Variants in ATP11B observed in about 807,000 individuals in gnomAD.
ATP11B encodes the protein ATPase phospholipid transporting 11B (putative), also known as phospholipid-transporting ATPase IF.
Under a neutral mutation model 157.8 loss-of-function variants are expected in ATP11B, and 81 were observed. That is an observed-to-expected ratio of 0.51 (90% confidence interval 0.43 to 0.62). ATP11B has a LOEUF of 0.62. ATP11B is among the 20% of genes least tolerant of loss of function. The probability of loss-of-function intolerance (pLI) is 0.00; values close to 1 mark genes in which losing one functional copy is unlikely to be tolerated. For missense variants in ATP11B, 1,165 were observed against 1,402.2 expected (o/e 0.83, Z 2.70); for synonymous variants, 451 against 469.4 (o/e 0.96, Z 0.51).
intron 1 of ATP11B, among the ~76,000 whole-genome samples, chr3:182,814,299 A>G (rs1171538307): frequency 2.6e-5 from 4 of 152,058 alleles, no homozygotes; most frequent in African/African-American, 9.7e-5. Context: ...TCCTGACCTC[A>G]GGTGATTTGT....
At chr3:182,832,403 TTC>T (rs1242195151) in intron 4 of ATP11B, among the ~76,000 whole-genome samples, 3 of 152,194 alleles carry the variant, frequency 2.0e-5, no homozygotes, top group Non-Finnish European at 2.9e-5. Context: ...ACTCAGAGTT[TTC>T]TCTTTTGCAA....
intron 10 of ATP11B, among the ~76,000 whole-genome samples, chr3:182,850,362 A>G (rs929870602): frequency 2.2e-4 from 33 of 152,212 alleles, no homozygotes; most frequent in African/African-American, 7.7e-4. Flanking sequence ...AGTCCCAGCT[A>G]CTCAGGAGGC....
chr3:182,858,199 T>TA (rs1275862522), intron 11 of ATP11B, among the ~76,000 whole-genome samples, 171 bp downstream of exon 11: 1 of 152,244 alleles, frequency 6.6e-6, no homozygotes, highest in African/African-American at 2.4e-5. Flanking sequence ...TTTGTACTGA[T>TA]ACGCTTTTTG....
chr3:182,861,273 C>A (rs1343385397), intron 12 of ATP11B, among the ~76,000 whole-genome samples: 1 of 152,062 alleles, frequency 6.6e-6, no homozygotes, highest in African/African-American at 2.4e-5. Flanking sequence ...CCATATTGGT[C>A]AGGCTGGTCT....
chr3:182,796,709 A>T (rs943749740), intron 1 of ATP11B, among the ~76,000 whole-genome samples: 3 of 152,230 alleles, frequency 2.0e-5, no homozygotes, highest in African/African-American at 7.2e-5. Context: ...AGGGTCACAC[A>T]TACTCTACAT....
chr3:182,872,095 G>C (rs764449605), intron 17 of ATP11B, among the ~76,000 whole-genome samples: 1 of 152,194 alleles, frequency 6.6e-6, no homozygotes, highest in Non-Finnish European at 1.5e-5. Context: ...GATTACAGGC[G>C]TGAGCCACCG....
At position 182,866,370 on chromosome 3, in the gene ATP11B, AACCTGGC is replaced by A; in HGVS notation, c.1550_1556del (p.Leu517HisfsTer16). On this transcript the variant is annotated frameshift_variant, in exon 14 of 30. Coordinates refer to ENST00000323116, the MANE Select transcript of ATP11B (RefSeq NM_014616.3). LOFTEE classifies it high-confidence loss of function. ...CACTGGTGATGGTCCCTGGCAATCCAACCTGGCACCATCGCAGTTGGAGTACTATGCA... is the reference window on the plus strand; with the variant it reads ...CACTGGTGATGGTCCCTGGCAATCCAACCATCGCAGTTGGAGTACTATGCA... 1 of 1,613,974 alleles carries A rather than the reference AACCTGGC, an allele frequency of 6.2e-7. No individual in the cohort carries two copies. The highest frequency in any genetic ancestry group is 8.5e-7 in the Non-Finnish European group (1 of 1,179,898).
chr3:182,802,153 T>C (rs1716054674), intron 1 of ATP11B, among the ~76,000 whole-genome samples: 1 of 152,202 alleles, frequency 6.6e-6, no homozygotes, highest in Admixed American at 6.5e-5. Flanking sequence ...CTTTTTGTTG[T>C]TGCTAAAAAT....
At chr3:182,838,459 A>G (rs1718732223) in intron 7 of ATP11B, among the ~76,000 whole-genome samples, 1 of 152,092 alleles carries the variant, frequency 6.6e-6, no homozygotes, top group African/African-American at 2.4e-5. Context: ...AAAGTTTGAA[A>G]AAACTTTTTT....
chr3:182,802,316 G>A (rs1284267511), intron 1 of ATP11B, among the ~76,000 whole-genome samples: 1 of 152,072 alleles, frequency 6.6e-6, no homozygotes, highest in Non-Finnish European at 1.5e-5. Context: ...ATACCCACCA[G>A]AGTGATCTTA....
intron 1 of ATP11B, among the ~76,000 whole-genome samples, chr3:182,800,143 A>G (rs1166351794): frequency 6.6e-6 from 1 of 152,080 alleles, no homozygotes; most frequent in East Asian, 1.9e-4. Context: ...GAAAGAAACA[A>G]AAACATTCTT....
In ATP11B at chr3:182,836,399, C is replaced by A; in HGVS notation, c.481C>A (p.Leu161Met). The change falls in exon 6 of 30, where the codon CTG becomes ATG. Residue 161 changes from leucine (L) to methionine (M), a missense_variant. Leu to Met is a conservative substitution (Grantham distance 15). This residue lies in a region of ATP11B where 737 missense variants were observed against 930.5 expected (regional missense o/e 0.79). Transcript: ENST00000323116. ...AATTTTTCCTGCAGACTTGGTGCTT[C>A]TGTCCTCAGATCGACTGGATGGTTC... ...DEIFPADLVLLSSDRLDGSCH... is the reference protein window; with the variant it reads ...DEIFPADLVLMSSDRLDGSCH... The A allele has an allele frequency of 6.2e-7, 1 of 1,613,944 alleles. No individual in the cohort carries two copies. The highest frequency in any genetic ancestry group is 8.5e-7 in the Non-Finnish European group (1 of 1,179,852).
intron 10 of ATP11B, among the ~76,000 whole-genome samples, chr3:182,855,945 T>C (rs1720365990): frequency 2.6e-5 from 4 of 152,080 alleles, no homozygotes; most frequent in Non-Finnish European, 5.9e-5. Context: ...GAATTAAAAA[T>C]AGTATACCCA....
At chr3:182,827,843 TC>T (rs1717829483) in intron 2 of ATP11B, among the ~76,000 whole-genome samples, 2 of 151,978 alleles carry the variant, frequency 1.3e-5, no homozygotes, top group South Asian at 2.1e-4. Context: ...TTCTCTAACT[TC>T]TAAAAAAACT....
chr3:182,824,720 T>C (rs1283733909), intron 2 of ATP11B, among the ~76,000 whole-genome samples: 1 of 152,228 alleles, frequency 6.6e-6, no homozygotes, highest in Non-Finnish European at 1.5e-5. Flanking sequence ...TATTGCCTTT[T>C]TAAATGTTTA....
At chr3:182,795,615 G>T (rs1480091914) in intron 1 of ATP11B, among the ~76,000 whole-genome samples, 1 of 152,186 alleles carries the variant, frequency 6.6e-6, no homozygotes, top group African/African-American at 2.4e-5. Flanking sequence ...CTGACATTTA[G>T]TTGCTCACCT....
At chr3:182,864,389 T>G (rs544483605) in intron 12 of ATP11B, among the ~76,000 whole-genome samples, 24 of 152,112 alleles carry the variant, frequency 1.6e-4, no homozygotes, top group Non-Finnish European at 3.1e-4. Flanking sequence ...ACTGTGAGTT[T>G]TTTATAGATA....
chr3:182,883,684 G>A (rs945724066), intron 21 of ATP11B, among the ~76,000 whole-genome samples: 2 of 151,598 alleles, frequency 1.3e-5, no homozygotes, highest in Admixed American at 6.6e-5. Flanking sequence ...GGCCGGGCGC[G>A]GTGGCTCACG....
chr3:182,916,329 A>G, intron 29 of ATP11B: 4 of 985,362 alleles, frequency 4.1e-6, no homozygotes, highest in Non-Finnish European at 3.6e-6. Context: ...TGTGTGTTCC[A>G]TTGACATAGT....
Sources: gnomAD v4.1 joint callset for allele counts (sites outside exome capture counted in the v4.1 genomes callset) on GRCh38, gnomAD v4.1.1 for gene constraint, gnomAD v4.1.1 regional missense constraint, MANE v1.5 for transcripts, NCBI Gene and HGNC (gene_info 2026-07-23, HGNC 2026-07-21) for gene names.